Variants in DDX60L observed in about 807,000 individuals in gnomAD.
DDX60L encodes the protein DExD/H-box 60 like.
DDX60L carries 191 observed loss-of-function variants against 211.6 expected under a neutral mutation model. The ratio of observed to expected loss-of-function variants is 0.90; its 90% CI spans 0.80 to 1.02. The LOEUF (loss-of-function observed/expected upper bound fraction) is 1.02, where lower values mean the gene tolerates loss of function less well. Among genes scored for constraint, DDX60L ranks in the 50% least tolerant of loss-of-function variants. The pLI, the probability that DDX60L is intolerant of heterozygous loss-of-function variation, is 0.00. For synonymous variants in DDX60L, 706 were observed against 694.1 expected (o/e 1.02, Z -0.27); for missense variants, 2,007 against 1,984.1 (o/e 1.01, Z -0.22).
intron 4 of DDX60L, among the ~76,000 whole-genome samples, chr4:168,464,566 C>A (rs1358345882): frequency 6.6e-6 from 1 of 151,530 alleles, no homozygotes. Flanking sequence ...ATGTGAACCA[C>A]CTCACCTGGA....
At chr4:168,471,013 T>C (rs1343319795) in intron 4 of DDX60L, among the ~76,000 whole-genome samples, 2 of 152,196 alleles carry the variant, frequency 1.3e-5, no homozygotes, top group Admixed American at 6.5e-5. Context: ...CAAAACTCAA[T>C]GTACTGGTAA....
At position 168,375,986 on chromosome 4, in the gene DDX60L, C is replaced by T. The variant is rs1247848850; in HGVS notation, c.4486-462G>A. Among the ~76,000 whole-genome samples, 26 of 152,202 alleles carry T rather than the reference C, an allele frequency of 1.7e-4. 1 individual carries two copies. The highest frequency in any genetic ancestry group is 1.7e-3 in the Admixed American group (26 of 15,276). On this transcript the variant is annotated intron_variant, in intron 33 of 37. Transcript: ENST00000682922. Reference sequence around the variant, plus strand: ...CCTATGCAGTAAACATTTTCATCTACATTTTGTACATGAGGGAGCTAACCC... The same window carrying T: ...CCTATGCAGTAAACATTTTCATCTATATTTTGTACATGAGGGAGCTAACCC...
chr4:168,431,629 C>T (rs939911267), intron 12 of DDX60L, among the ~76,000 whole-genome samples: 1 of 151,508 alleles, frequency 6.6e-6, no homozygotes, highest in African/African-American at 2.4e-5. Flanking sequence ...GTGCAGCACA[C>T]CAGCATGGCA....
chr4:168,378,294 C>A, intron 33 of DDX60L, 60 bp downstream of exon 33: 1 of 1,038,416 alleles, frequency 9.6e-7, no homozygotes, highest in Non-Finnish European at 1.4e-6. Context: ...TGAATGCTTT[C>A]CAGTAGCATA....
intron 14 of DDX60L, among the ~76,000 whole-genome samples, 191 bp downstream of exon 14, chr4:168,426,879 C>G (rs1010095449): frequency 2.0e-5 from 3 of 152,214 alleles, no homozygotes; most frequent in Non-Finnish European, 4.4e-5. Context: ...TTGGGACCCT[C>G]TGTCTAACCT....
At chr4:168,373,562 T>C in intron 35 of DDX60L, 104 bp downstream of exon 35, 1 of 1,152,998 alleles carries the variant, frequency 8.7e-7, no homozygotes, top group East Asian at 2.4e-5. Flanking sequence ...TCAGTGGACA[T>C]TTTTCAGTGT....
intron 36 of DDX60L, among the ~76,000 whole-genome samples, chr4:168,363,093 A>G (rs1300406541): frequency 6.6e-6 from 1 of 152,146 alleles, no homozygotes; most frequent in Non-Finnish European, 1.5e-5. Flanking sequence ...CGGAATCCTC[A>G]TGAGACTATC....
intron 33 of DDX60L, among the ~76,000 whole-genome samples, chr4:168,376,182 T>C (rs1741915315): frequency 6.6e-6 from 1 of 152,224 alleles, no homozygotes; most frequent in African/African-American, 2.4e-5. Context: ...GAAATGTTCT[T>C]GGTTTTCTTC....
At chr4:168,435,451 TATGCAGAAAGACAG>T (rs1362207573) in intron 10 of DDX60L, among the ~76,000 whole-genome samples, 5 of 152,234 alleles carry the variant, frequency 3.3e-5, no homozygotes, top group Admixed American at 1.3e-4. Context: ...CTATTGGGCC[TATGCAGAAAGACAG>T]ATGAATTCTG....
chr4:168,382,772 A>G (rs996801404), intron 30 of DDX60L, among the ~76,000 whole-genome samples: 1 of 152,140 alleles, frequency 6.6e-6, no homozygotes, highest in Non-Finnish European at 1.5e-5. Flanking sequence ...TTCCTTTATA[A>G]AGGAAAAAGT....
chr4:168,406,616 A>G lies in DDX60L; in HGVS notation c.3070T>C (p.Trp1024Arg), dbSNP rs780317310. 1.3e-6 allele frequency: 2 copies of G among 1,597,614 alleles called. No individual in the cohort carries two copies. Among genetic ancestry groups the G allele is most frequent in the Admixed American group, 3.4e-5 (2 of 58,382 alleles). The change falls in exon 23 of 38, where the codon TGG (tryptophan) becomes CGG (arginine). Residue 1024 changes from tryptophan (W) to arginine (R), a missense_variant. By Grantham distance (101) the Trp-to-Arg change is moderately radical. Coordinates refer to ENST00000682922, the MANE Select transcript of DDX60L (RefSeq NM_001012967.3). ...TCTATATTTACCTGAGCCCTGGGCC[A>G]AGTTTCCCAGACTTGAGCCATGGTA... ...YDTMAQVWETWPRAQELCPEE... is the reference protein window; with the variant it reads ...YDTMAQVWETRPRAQELCPEE...
Position 168,471,940 on chromosome 4 carries a change from AAAT to A in DDX60L, c.75-7_75-5del, listed in dbSNP as rs149184634. On this transcript the variant is annotated splice_region_variant and splice_polypyrimidine_tract_variant and intron_variant, in intron 3 of 37. Coordinates refer to ENST00000682922, the MANE Select transcript of DDX60L (RefSeq NM_001012967.3). Reference sequence around the variant, plus strand: ...ATCATTTAATATGCTGGAATACCTAAAATAAAAATCAAAGAGAATAAAAATCAC... The same window carrying A: ...ATCATTTAATATGCTGGAATACCTAAAAAAATCAAAGAGAATAAAAATCAC... The A allele has an allele frequency of 2.5e-3, 3,876 of 1,575,978 alleles. 135 individuals are homozygous for A. In the East Asian group the frequency reaches 0.073, roughly 30 times the overall value.
At chr4:168,430,867 CAGG>C (rs35807840) in intron 12 of DDX60L, among the ~76,000 whole-genome samples, 3,734 of 152,162 alleles carry the variant, frequency 0.025, 67 homozygotes, top group Non-Finnish European at 0.043. Context: ...TGTCATTTGG[CAGG>C]AGAAGAGGAG....
intron 10 of DDX60L, among the ~76,000 whole-genome samples, chr4:168,435,183 A>C (rs6845699): frequency 0.053 from 8,034 of 152,226 alleles, 694 homozygotes; most frequent in African/African-American, 0.18. Context: ...GGGTCCCTGA[A>C]TCTTCTGTGT....
Position 168,392,715 on chromosome 4 carries a change from T to C in DDX60L, c.3811-1071A>G, listed in dbSNP as rs182209726. The stretch of plus-strand genomic sequence containing the variant: ...AAAATTAGCCAGGCATGGTGGCACA[T>C]GCCTGTAATCCCAACTACTCAGGAG... On this transcript the variant is annotated intron_variant, in intron 28 of 37. Coordinates refer to ENST00000682922, the MANE Select transcript of DDX60L (RefSeq NM_001012967.3). 1.3e-3 allele frequency among the ~76,000 whole-genome samples: 205 copies of C among 152,004 alleles called. 1 individual carries two copies. Among genetic ancestry groups the C allele is most frequent in the Non-Finnish European group, 2.3e-3 (155 of 67,966 alleles).
chr4:168,403,835 A>G (rs1747259835), intron 25 of DDX60L, 147 bp downstream of exon 25: 1 of 402,682 alleles, frequency 2.5e-6, no homozygotes, highest in Non-Finnish European at 4.3e-6. Context: ...TTTAAAAATA[A>G]AATCTATATT....
chr4:168,411,417 G>A (rs1448259851), intron 22 of DDX60L, among the ~76,000 whole-genome samples: 5 of 152,194 alleles, frequency 3.3e-5, no homozygotes, highest in Admixed American at 6.5e-5. Context: ...ACTTGGAAGA[G>A]GGAAAGCATG....
intron 29 of DDX60L, 105 bp from the exon 30 acceptor site, chr4:168,384,917 G>A: frequency 1.7e-6 from 2 of 1,170,608 alleles, no homozygotes; most frequent in Non-Finnish European, 2.4e-6. Context: ...GTGTTAAATT[G>A]TGTATTTAGT....
intron 30 of DDX60L, among the ~76,000 whole-genome samples, chr4:168,383,639 A>G (rs569010244): frequency 6.6e-6 from 1 of 152,252 alleles, no homozygotes; most frequent in South Asian, 2.1e-4. Context: ...TCAAGAGGTA[A>G]TTATTTAGCT....
Sources: gnomAD v4.1 joint callset for allele counts (sites outside exome capture counted in the v4.1 genomes callset) on GRCh38, gnomAD v4.1.1 for gene constraint, MANE v1.5 for transcripts, NCBI Gene and HGNC (gene_info 2026-07-23, HGNC 2026-07-21) for gene names.